The following TBC1D8B variants were observed in gnomAD, a reference collection of about 807,000 sequenced individuals.
TBC1D8B encodes the protein TBC1 domain family member 8B.
A neutral mutation model predicts 82.9 loss-of-function variants in TBC1D8B; 75 were observed. The observed-to-expected ratio is 0.90, with a 90% CI of 0.75 to 1.10. The LOEUF is 1.10. TBC1D8B is among the 50% of genes least tolerant of loss of function. The pLI, the probability that TBC1D8B is intolerant of heterozygous loss-of-function variation, is 0.00. For missense variants in TBC1D8B, 794 were observed against 796.9 expected (o/e 1.00, Z 0.04); for synonymous variants, 276 against 276.8 (o/e 1.00, Z 0.03).
chrX:106,841,797 C>T (rs1197475658), intron 10 of TBC1D8B, among the ~76,000 whole-genome samples: 4 of 111,688 alleles, frequency 3.6e-5, no homozygotes, highest in African/African-American at 9.8e-5. Context: ...CAAACCTTCC[C>T]GAGTACATTT....
At chrX:106,849,741 A>T (rs1017411861) in intron 11 of TBC1D8B, 15 of 852,013 alleles carry the variant, frequency 1.8e-5, no homozygotes, top group Non-Finnish European at 2.2e-5. Flanking sequence ...CTCCCTGAAC[A>T]TGAGACTATT....
Position 106,806,233 on chromosome X carries a change from C to T in TBC1D8B, c.130+3250C>T, listed in dbSNP as rs755702797. On this transcript the variant is annotated intron_variant, in intron 1 of 20. Transcript: ENST00000357242. ...ATCTGATAGATTACTGACCATTTGC[C>T]TAACTTTATCTTAATTGTTCTGGCT... 3.6e-5 allele frequency among the ~76,000 whole-genome samples: 4 copies of T among 112,082 alleles called. No homozygotes were observed. The East Asian group carries it at 1.1e-3, about 31-fold the overall frequency.
At chrX:106,870,688 A>AG in intron 19 of TBC1D8B, 28 bp from the exon 20 acceptor site, 1 of 1,040,531 alleles carries the variant, frequency 9.6e-7, no homozygotes, top group Non-Finnish European at 1.3e-6. Flanking sequence ...GCTGTTCCTT[A>AG]TGAAATGGTT....
In TBC1D8B at chrX:106,820,871, A is replaced by C. The variant is rs753165771; in HGVS notation, c.242-6A>C. The C allele has an allele frequency of 9.4e-5, 107 of 1,138,126 alleles. No individual in the cohort carries two copies. In the South Asian group the frequency reaches 2.0e-3, roughly 22 times the overall value. The allele number at this position is 1,138,126 out of a possible 1,213,427, so 93.8% of individuals were successfully genotyped here. ...AAGTGTTTTATTTTCTTGTGTTATT[A>C]ATCAGGAGCCAACAGAGAAGAAATA... On this transcript the variant is annotated splice_region_variant and splice_polypyrimidine_tract_variant and intron_variant, in intron 2 of 20. Transcript: ENST00000357242.
chrX:106,830,948 TAATAAATAAATAAATA>T lies in TBC1D8B; in HGVS notation c.1203+3630_1203+3645del, dbSNP rs769351110. The stretch of plus-strand genomic sequence containing the variant: ...TACCCTAAAACTTAAAGTATAATAA[TAATAAATAAATAAATA>T]AATAAATAAATAAATAAAATATTAG... On this transcript the variant is annotated intron_variant, in intron 7 of 20. Coordinates refer to ENST00000357242, the MANE Select transcript of TBC1D8B (RefSeq NM_017752.3). Among the ~76,000 whole-genome samples the T allele has an allele frequency of 7.6e-5, 8 of 104,885 alleles. No homozygotes were observed. The South Asian group carries it at 1.2e-3, about 16-fold the overall frequency. The allele number at this position is 104,885 out of a possible 115,157, so 91.1% of individuals were successfully genotyped here.
chrX:106,842,842 AGTT>A (rs1932346271), intron 10 of TBC1D8B, among the ~76,000 whole-genome samples: 4 of 110,984 alleles, frequency 3.6e-5, no homozygotes, highest in Non-Finnish European at 7.6e-5. Flanking sequence ...ATCCATTAGC[AGTT>A]ACTCCCCATT....
At chrX:106,869,835 C>A (rs1468429283) in intron 19 of TBC1D8B, among the ~76,000 whole-genome samples, 2 of 112,126 alleles carry the variant, frequency 1.8e-5, no homozygotes, top group South Asian at 3.7e-4. Context: ...CTTTTCAGAT[C>A]TATTCCTATG....
At chrX:106,871,569 C>T in intron 20 of TBC1D8B, among the ~76,000 whole-genome samples, 1 of 111,521 alleles carries the variant, frequency 9.0e-6, no homozygotes, top group East Asian at 2.8e-4. Context: ...GGTTTTCCCC[C>T]CAACCAAGCA....
intron 2 of TBC1D8B, 137 bp downstream of exon 2, chrX:106,818,910 C>A: frequency 2.3e-6 from 1 of 443,086 alleles, no homozygotes; most frequent in Non-Finnish European, 3.6e-6. Flanking sequence ...GAGAGAATAG[C>A]AAGACCTCTA....
chrX:106,835,942 T>A (rs897607175), intron 7 of TBC1D8B, among the ~76,000 whole-genome samples: 10 of 112,102 alleles, frequency 8.9e-5, no homozygotes, highest in African/African-American at 3.2e-4. Flanking sequence ...CATCTTTCTG[T>A]CTTCTTCTGA....
At chrX:106,857,487 G>C (rs943876015) in intron 14 of TBC1D8B, among the ~76,000 whole-genome samples, 2 of 111,189 alleles carry the variant, frequency 1.8e-5, no homozygotes, top group East Asian at 2.8e-4. Context: ...TGTGTCACAG[G>C]GTTTCGTGTA....
At chrX:106,851,674 T>C (rs906517953) in intron 12 of TBC1D8B, among the ~76,000 whole-genome samples, 1 of 110,966 alleles carries the variant, frequency 9.0e-6, no homozygotes, top group Non-Finnish European at 1.9e-5. Context: ...GTTTCATTTT[T>C]TGTCCTTGCG....
At chrX:106,871,505 A>G (rs181602040) in intron 20 of TBC1D8B, among the ~76,000 whole-genome samples, 33 of 112,174 alleles carry the variant, frequency 2.9e-4, no homozygotes, top group African/African-American at 9.4e-4. Context: ...CTCTCACACC[A>G]TGACAATAAC....
chrX:106,825,965 T>G lies in TBC1D8B; in HGVS notation c.828-65T>G. ...ATGTAGATTAGTCAATATAGGCATA[T>G]GTATACCTTAGAATTCATTTCTAAA... On this transcript the variant is annotated intron_variant, in intron 5 of 20. Transcript: ENST00000357242. 4.0e-6 allele frequency: 4 copies of G among 989,903 alleles called. No homozygotes were observed. The South Asian group carries it at 8.3e-5, about 21-fold the overall frequency. The allele number at this position is 989,903 out of a possible 1,213,427, so 81.6% of individuals were successfully genotyped here.
intron 20 of TBC1D8B, among the ~76,000 whole-genome samples, chrX:106,872,455 TTATATATATATATATATATA>T (rs61326496): frequency 1.1e-4 from 8 of 73,315 alleles, no homozygotes; most frequent in African/African-American, 4.2e-4. Flanking sequence ...AGAAAAATAT[TTATATATATATATATATATA>T]TATATATATA....
In TBC1D8B at chrX:106,839,958, G is replaced by A. The variant is rs1932262955; in HGVS notation, c.1354-90G>A. The stretch of plus-strand genomic sequence containing the variant: ...TTCTATGTTCTTAATTTCTATAGAT[G>A]TTGTTTCAAGGTAAAGAGAGTGGGA... On this transcript the variant is annotated intron_variant, in intron 8 of 20. Coordinates refer to ENST00000357242, the MANE Select transcript of TBC1D8B (RefSeq NM_017752.3). 8 of 943,738 alleles carry A rather than the reference G, an allele frequency of 8.5e-6. No individual in the cohort carries two copies. The South Asian group carries it at 1.3e-4, about 16-fold the overall frequency. 77.8% of individuals were successfully genotyped at this position (943,738 alleles called of 1,213,427 possible).
intron 10 of TBC1D8B, among the ~76,000 whole-genome samples, chrX:106,847,251 GA>G (rs759199053): frequency 3.1e-4 from 34 of 111,445 alleles, no homozygotes; most frequent in African/African-American, 1.0e-3. Context: ...ATCCACCTTA[GA>G]TTTTTTTAGT....
rs368179860 is a variant in TBC1D8B at position 106,840,887 on chromosome X, A to G, written c.1719+3A>G. On this transcript the variant is annotated splice_donor_region_variant and intron_variant, in intron 10 of 20. Transcript: ENST00000357242. Reference sequence around the variant, plus strand: ...ATCCCAAAATTGGATACTGCCAGGTATGACTTAACTATGAGCCCAACTGTG... The same window carrying G: ...ATCCCAAAATTGGATACTGCCAGGTGTGACTTAACTATGAGCCCAACTGTG... 3 of 1,197,971 alleles carry G rather than the reference A, an allele frequency of 2.5e-6. No homozygotes were observed. The highest frequency in any genetic ancestry group is 3.4e-6 in the Non-Finnish European group (3 of 885,201).
chrX:106,862,776 GTTTTTTT>G (rs1181091591), intron 14 of TBC1D8B, among the ~76,000 whole-genome samples: 5 of 37,296 alleles, frequency 1.3e-4, no homozygotes, highest in Non-Finnish European at 1.8e-4. Context: ...GTTTTTTTTT[GTTTTTTT>G]TTTTTTTTTT....
Sources: allele counts gnomAD v4.1 joint callset (sites outside exome capture counted in the v4.1 genomes callset), GRCh38; gene constraint gnomAD v4.1.1; transcripts MANE v1.5; gene names NCBI Gene and HGNC (gene_info 2026-07-23, HGNC 2026-07-21).